SPEN: variants seen among roughly 807,000 people sequenced by gnomAD.
SPEN encodes the protein msx2-interacting protein.
A neutral mutation model predicts 269.9 loss-of-function variants in SPEN; 18 were observed. The observed-to-expected ratio is 0.07, with a 90% CI of 0.05 to 0.10. The LOEUF (loss-of-function observed/expected upper bound fraction) is 0.10, where lower values mean the gene tolerates loss of function less well. Ranked by LOEUF, SPEN falls within the 10% of genes least tolerant of loss-of-function variation. The pLI, the probability that SPEN is intolerant of heterozygous loss-of-function variation, is 1.00. For synonymous variants in SPEN, 1,726 were observed against 1,765.7 expected (o/e 0.98, Z 0.56); for missense variants, 3,822 against 4,631.2 (o/e 0.83, Z 5.07).
intron 10 of SPEN, 98 bp downstream of exon 10, chr1:15,922,447 A>C (rs757897968): frequency 1.4e-6 from 1 of 728,920 alleles, no homozygotes; most frequent in African/African-American, 1.8e-5. Context: ...CTTTACCCCT[A>C]CTTTCATCTT....
Position 15,939,578 on chromosome 1 carries a change from T to C in SPEN, c.*151T>C. On this transcript the variant is annotated 3_prime_UTR_variant, in exon 15 of 15. Coordinates refer to ENST00000375759, the MANE Select transcript of SPEN (RefSeq NM_015001.3). The surrounding 1 kb of genome is among the most constrained non-coding windows in gnomAD (Gnocchi z 4.1). Reference sequence around the variant, plus strand: ...TTTGCTGTCCTGCCGCCCGGCTCAGTCGGCCAGACTTCCTCTAGGAGTGGT... The same window carrying C: ...TTTGCTGTCCTGCCGCCCGGCTCAGCCGGCCAGACTTCCTCTAGGAGTGGT... The C allele has an allele frequency of 1.1e-6, 1 of 923,002 alleles. No homozygotes were observed. Among genetic ancestry groups the C allele is most frequent in the Non-Finnish European group, 1.6e-6 (1 of 642,382 alleles). 57.2% of individuals were successfully genotyped at this position (923,002 alleles called of 1,614,324 possible). A position where few individuals can be genotyped will look rare whatever the true frequency, so the allele number is the denominator to read the frequency against.
At chr1:15,857,813 A>G (rs2070402464) in intron 1 of SPEN, among the ~76,000 whole-genome samples, 1 of 152,110 alleles carries the variant, frequency 6.6e-6, no homozygotes, top group Non-Finnish European at 1.5e-5. Context: ...GGCATGAGCC[A>G]TAATGTCCAG....
At chr1:15,855,444 G>C (rs1187008835) in intron 1 of SPEN, among the ~76,000 whole-genome samples, 1 of 151,692 alleles carries the variant, frequency 6.6e-6, no homozygotes, top group Non-Finnish European at 1.5e-5. Context: ...AAAAACTGGG[G>C]CTTATGTACT....
intron 3 of SPEN, among the ~76,000 whole-genome samples, chr1:15,908,760 A>G (rs1270385660): frequency 1.3e-5 from 2 of 152,110 alleles, no homozygotes. Context: ...TATTATAATT[A>G]TTTTCATTTT....
chr1:15,859,156 T>TTA (rs397979338), intron 1 of SPEN, among the ~76,000 whole-genome samples: 7 of 147,992 alleles, frequency 4.7e-5, no homozygotes, highest in East Asian at 3.9e-4. Context: ...TTTTTTTTTT[T>TTA]AATTAAGAGA....
intron 2 of SPEN, among the ~76,000 whole-genome samples, chr1:15,875,496 A>G (rs2070621894): frequency 6.6e-6 from 1 of 152,100 alleles, no homozygotes; most frequent in African/African-American, 2.4e-5. Context: ...TTTTATTTTT[A>G]TTTAAATTCA....
At chr1:15,904,206 G>A (rs1238483467) in intron 3 of SPEN, among the ~76,000 whole-genome samples, 3 of 151,920 alleles carry the variant, frequency 2.0e-5, no homozygotes, top group Admixed American at 2.0e-4. Flanking sequence ...GGCCGAGCGC[G>A]GTGGCTTATG....
At chr1:15,883,970 C>T (rs1317314661) in intron 3 of SPEN, among the ~76,000 whole-genome samples, 2 of 151,872 alleles carry the variant, frequency 1.3e-5, no homozygotes, top group East Asian at 1.9e-4. Flanking sequence ...CCACCCCGCC[C>T]GGATAATTTT....
intron 3 of SPEN, among the ~76,000 whole-genome samples, chr1:15,896,940 C>T (rs1390831724): frequency 6.6e-6 from 1 of 152,108 alleles, no homozygotes; most frequent in Non-Finnish European, 1.5e-5. Context: ...TGCACTCCAG[C>T]CTGGATGACA....
At position 15,933,374 on chromosome 1, in the gene SPEN, C is replaced by G. The variant is rs147983953; in HGVS notation, c.7134C>G (p.Pro2378=). The change falls in exon 11 of 15, where the codon CCC becomes CCG. Residue 2378 remains proline (P), a synonymous_variant. Coordinates refer to ENST00000375759, the MANE Select transcript of SPEN (RefSeq NM_015001.3). The surrounding 1 kb of genome is among the most constrained non-coding windows in gnomAD (Gnocchi z 5.7). ...AANEGTTVQH[P]EAPQEEKQSE... ...ATGAGGGGACAACAGTACAGCACCC[C>G]GAAGCCCCACAGGAAGAAAAGCAGA... The G allele has an allele frequency of 5.6e-6, 9 of 1,614,118 alleles. No individual in the cohort carries two copies. The highest frequency in any genetic ancestry group is 7.6e-6 in the Non-Finnish European group (9 of 1,180,032).
intron 3 of SPEN, among the ~76,000 whole-genome samples, chr1:15,906,865 C>T (rs936867108): frequency 6.9e-6 from 1 of 144,614 alleles, no homozygotes; most frequent in African/African-American, 2.6e-5. Flanking sequence ...CAACCTCAAA[C>T]TCCTAGGCTC....
At chr1:15,852,220 GTC>G in intron 1 of SPEN, among the ~76,000 whole-genome samples, 1 of 151,998 alleles carries the variant, frequency 6.6e-6, no homozygotes, top group South Asian at 2.1e-4. Flanking sequence ...TCATTGTTAC[GTC>G]GCTTCTTCAT....
At chr1:15,922,654 A>T (rs549990626) in intron 10 of SPEN, among the ~76,000 whole-genome samples, 9 of 151,794 alleles carry the variant, frequency 5.9e-5, no homozygotes, top group African/African-American at 2.2e-4. Flanking sequence ...ACAGGGTCTC[A>T]CTCTGTCACC....
chr1:15,850,876 T>G (rs954529704), intron 1 of SPEN, among the ~76,000 whole-genome samples: 1 of 152,220 alleles, frequency 6.6e-6, no homozygotes, highest in Admixed American at 6.6e-5. Context: ...AACTGAACTT[T>G]AAGTGCCTAC....
At chr1:15,926,303 G>A (rs1209013878) in intron 10 of SPEN, among the ~76,000 whole-genome samples, 1 of 151,988 alleles carries the variant, frequency 6.6e-6, no homozygotes, top group Non-Finnish European at 1.5e-5. Context: ...GTGGTGGTGA[G>A]GTAGGAGAAT....
intron 10 of SPEN, among the ~76,000 whole-genome samples, chr1:15,926,045 C>G (rs1161865519): frequency 3.9e-5 from 6 of 152,000 alleles, no homozygotes; most frequent in Non-Finnish European, 7.4e-5. Context: ...CCAATTAAAC[C>G]AAATATCATA....
chr1:15,891,049 A>G (rs569434260), intron 3 of SPEN, among the ~76,000 whole-genome samples: 3 of 152,358 alleles, frequency 2.0e-5, no homozygotes, highest in South Asian at 4.1e-4. Flanking sequence ...ATAAACCAGC[A>G]TATCATCCTT....
chr1:15,909,076 A>G (rs1381460026), intron 3 of SPEN, among the ~76,000 whole-genome samples: 1 of 152,152 alleles, frequency 6.6e-6, no homozygotes, highest in Non-Finnish European at 1.5e-5. Flanking sequence ...CAAGTTATTA[A>G]TAGAATGCAA....
chr1:15,890,570 T>TG (rs886668617), intron 3 of SPEN, among the ~76,000 whole-genome samples: 1 of 151,362 alleles, frequency 6.6e-6, no homozygotes, highest in African/African-American at 2.4e-5. Flanking sequence ...TTTTTTTTTT[T>TG]TTTTTTTTTT....
Sources: gnomAD v4.1 joint callset for allele counts (sites outside exome capture counted in the v4.1 genomes callset) on GRCh38, gnomAD v4.1.1 for gene constraint, Gnocchi (gnomAD v3.1) non-coding constraint, MANE v1.5 for transcripts, NCBI Gene and HGNC (gene_info 2026-07-23, HGNC 2026-07-21) for gene names.